DCAF7: variants seen among roughly 807,000 people sequenced by gnomAD.
DCAF7 encodes the protein DDB1- and CUL4-associated factor 7.
Under a neutral mutation model 41.2 loss-of-function variants are expected in DCAF7, and 4 were observed. The observed-to-expected ratio is 0.10, with a 90% confidence interval of 0.05 to 0.22. The LOEUF (loss-of-function observed/expected upper bound fraction) is 0.22. Among genes scored for constraint, DCAF7 ranks in the 10% least tolerant of loss-of-function variants. The probability of loss-of-function intolerance (pLI) is 1.00; values close to 1 mark genes in which losing one functional copy is unlikely to be tolerated. For missense variants in DCAF7, 131 were observed against 443.2 expected (o/e 0.30, Z 6.32); for synonymous variants, 143 against 164.2 (o/e 0.87, Z 0.99).
chr17:63,583,645 G>C lies in DCAF7; in HGVS notation c.672G>C (p.Leu224=), dbSNP rs2033647790. ...IIYEDPQHHP[L]LRLCWNKQDP... ...ACGAAGACCCACAGCATCACCCACTGCTTCGCCTCTGCTGGAACAAGCAGG... is the reference window on the plus strand; with the variant it reads ...ACGAAGACCCACAGCATCACCCACTCCTTCGCCTCTGCTGGAACAAGCAGG... Residue 224 remains leucine (L), a synonymous_variant, in exon 5 of 7, where the codon CTG becomes CTC. Transcript: ENST00000614556. The C allele has an allele frequency of 6.2e-7, 1 of 1,613,206 alleles. No individual in the cohort carries two copies. The highest frequency in any genetic ancestry group is 1.7e-5 in the Admixed American group (1 of 59,992).
At chr17:63,580,575 A>G (rs1024296034) in intron 4 of DCAF7, among the ~76,000 whole-genome samples, 4 of 134,816 alleles carry the variant, frequency 3.0e-5, no homozygotes, top group African/African-American at 1.2e-4. Context: ...CTGGAGTGCA[A>G]TGGCGCAATC....
At chr17:63,576,244 C>T (rs2033560528) in intron 1 of DCAF7, among the ~76,000 whole-genome samples, 1 of 151,900 alleles carries the variant, frequency 6.6e-6, no homozygotes, top group South Asian at 2.1e-4. Context: ...GAGTTCGAGA[C>T]TAGACTGGCC....
At chr17:63,565,955 G>T (rs1351080192) in intron 1 of DCAF7, among the ~76,000 whole-genome samples, 3 of 151,938 alleles carry the variant, frequency 2.0e-5, no homozygotes, top group Non-Finnish European at 4.4e-5. Flanking sequence ...ACAAAAATTA[G>T]CTGGGCATGG....
At chr17:63,563,793 C>T (rs989302836) in intron 1 of DCAF7, among the ~76,000 whole-genome samples, 4 of 151,068 alleles carry the variant, frequency 2.6e-5, no homozygotes, top group African/African-American at 4.9e-5. Flanking sequence ...CCAGCTTGGG[C>T]GACAGAGTGA....
rs2147753745 is a variant in DCAF7 at position 63,550,862 on chromosome 17, C to G, written c.138+47C>G. The G allele has an allele frequency of 6.3e-7, 1 of 1,589,952 alleles. No individual in the cohort carries two copies. The highest frequency in any genetic ancestry group is 2.3e-5 in the East Asian group (1 of 43,700). On this transcript the variant is annotated intron_variant, in intron 1 of 6. Coordinates refer to ENST00000614556, the MANE Select transcript of DCAF7 (RefSeq NM_005828.5). This position sits in a 1 kb window ranked among gnomAD's most constrained non-coding sequence, Gnocchi z 4.8. The stretch of plus-strand genomic sequence containing the variant: ...AACCCAGCTGGCGGGGAGCGGGCCC[C>G]GGGAGCGCCCTTTCCGGGCCGGAGC...
chr17:63,570,516 C>T (rs55666351), intron 1 of DCAF7, among the ~76,000 whole-genome samples: 2,211 of 152,136 alleles, frequency 0.015, 56 homozygotes, highest in African/African-American at 0.049. Flanking sequence ...AGATACTGGT[C>T]CTCTCATATA....
intron 1 of DCAF7, among the ~76,000 whole-genome samples, chr17:63,564,136 T>TACACAC (rs369218596): frequency 0.011 from 1,698 of 148,082 alleles, 28 homozygotes; most frequent in African/African-American, 0.037. Flanking sequence ...GTTAACTTTA[T>TACACAC]ACACACACAC....
rs76573383 is a variant in DCAF7 at position 63,560,655 on chromosome 17, A to G, written c.138+9840A>G. Among the ~76,000 whole-genome samples the G allele has an allele frequency of 3.4e-4, 52 of 152,298 alleles. No homozygotes were observed. The East Asian group carries it at 0.01, about 29-fold the overall frequency. ...AAAGGGACTGGGATGTAGGGGCTCT[A>G]ATTTGTACTGTAATTGCTTTGCTTT... On this transcript the variant is annotated intron_variant, in intron 1 of 6. Transcript: ENST00000614556.
At chr17:63,569,567 T>C (rs1306923779) in intron 1 of DCAF7, among the ~76,000 whole-genome samples, 1 of 152,164 alleles carries the variant, frequency 6.6e-6, no homozygotes, top group Non-Finnish European at 1.5e-5. Context: ...TATACCACTT[T>C]GGTGGTTTTT....
chr17:63,551,736 T>G (rs1284234619), intron 1 of DCAF7, among the ~76,000 whole-genome samples: 1 of 151,574 alleles, frequency 6.6e-6, no homozygotes, highest in Non-Finnish European at 1.5e-5. Context: ...CTTTATGCCA[T>G]GAACATCAGA....
At chr17:63,585,569 G>T (rs936561658) in intron 6 of DCAF7, among the ~76,000 whole-genome samples, 2 of 152,216 alleles carry the variant, frequency 1.3e-5, no homozygotes, top group African/African-American at 4.8e-5. Context: ...CAGTTATAGG[G>T]CTGTGCCTTG....
intron 5 of DCAF7, among the ~76,000 whole-genome samples, chr17:63,584,296 C>T (rs1402733361): frequency 1.3e-5 from 2 of 152,076 alleles, no homozygotes; most frequent in African/African-American, 4.8e-5. Flanking sequence ...GGCGAAACCT[C>T]GTCTCTACTA....
chr17:63,578,380 C>CA (rs1010113649), intron 1 of DCAF7, 90 bp from the exon 2 acceptor site: 50 of 1,556,850 alleles, frequency 3.2e-5, no homozygotes, highest in African/African-American at 2.8e-4. Context: ...AAAAAACAAA[C>CA]AAAAAAAACC....
At chr17:63,560,768 T>G (rs2033371257) in intron 1 of DCAF7, among the ~76,000 whole-genome samples, 1 of 152,140 alleles carries the variant, frequency 6.6e-6, no homozygotes, top group Admixed American at 6.5e-5. Flanking sequence ...AAATTAAATC[T>G]TAGTAGAACT....
intron 1 of DCAF7, among the ~76,000 whole-genome samples, chr17:63,570,268 A>G (rs2033491612): frequency 6.6e-6 from 1 of 152,000 alleles, no homozygotes; most frequent in African/African-American, 2.4e-5. Context: ...AGCCTGGGCA[A>G]CGCAGCAAAA....
intron 1 of DCAF7, among the ~76,000 whole-genome samples, chr17:63,555,031 C>T (rs1686128363): frequency 6.6e-6 from 1 of 152,200 alleles, no homozygotes; most frequent in African/African-American, 2.4e-5. Context: ...AATCCATTTT[C>T]TCTTGTTCTA....
chr17:63,580,160 C>T (rs185470691), intron 4 of DCAF7, among the ~76,000 whole-genome samples: 23 of 152,106 alleles, frequency 1.5e-4, no homozygotes, highest in African/African-American at 4.3e-4. Context: ...ACCTATTCTA[C>T]GGTCTGTCAT....
intron 6 of DCAF7, among the ~76,000 whole-genome samples, chr17:63,588,268 A>T (rs1471797872): frequency 2.1e-5 from 3 of 145,222 alleles, no homozygotes; most frequent in Admixed American, 6.8e-5. Context: ...GCTCACTGCA[A>T]CCTCTGCCTC....
At chr17:63,558,566 C>T (rs778100122) in intron 1 of DCAF7, among the ~76,000 whole-genome samples, 2 of 152,136 alleles carry the variant, frequency 1.3e-5, no homozygotes, top group Non-Finnish European at 2.9e-5. Flanking sequence ...GAGACAGGGT[C>T]TCGCTCTGTC....
Sources: allele counts gnomAD v4.1 joint callset (sites outside exome capture counted in the v4.1 genomes callset), GRCh38; gene constraint gnomAD v4.1.1; non-coding constraint Gnocchi (gnomAD v3.1); transcripts MANE v1.5; gene names NCBI Gene and HGNC (gene_info 2026-07-23, HGNC 2026-07-21).